PRKG2: variants seen among roughly 807,000 people sequenced by gnomAD.
PRKG2 encodes protein kinase cGMP-dependent 2, also known as cGMP-dependent protein kinase 2.
PRKG2 carries 33 observed loss-of-function variants against 97.2 expected under a neutral mutation model. The ratio of observed to expected loss-of-function variants is 0.34; its 90% CI spans 0.26 to 0.45. The LOEUF is 0.45. PRKG2 is among the 20% of genes least tolerant of loss of function. The probability of loss-of-function intolerance (pLI) is 1.00; values close to 1 mark genes in which losing one functional copy is unlikely to be tolerated. For synonymous variants in PRKG2, 330 were observed against 321.8 expected (o/e 1.03, Z -0.27); for missense variants, 638 against 900.0 (o/e 0.71, Z 3.73).
rs956164469 is a variant in PRKG2, at chr4:81,152,695, C to T, written c.991-641G>A. Reference sequence around the variant, plus strand: ...TGCTGATTCAGGCTGAATAGAAATTCTGTTTGGCATTTATGTATGTCACAA... The same window carrying T: ...TGCTGATTCAGGCTGAATAGAAATTTTGTTTGGCATTTATGTATGTCACAA... On this transcript the variant is annotated intron_variant, in intron 7 of 18. Coordinates refer to ENST00000264399, the MANE Select transcript of PRKG2 (RefSeq NM_006259.3). 7.9e-5 allele frequency among the ~76,000 whole-genome samples: 12 copies of T among 152,202 alleles called. No individual in the cohort carries two copies. The East Asian group carries it at 2.1e-3, about 27-fold the overall frequency.
At chr4:81,189,696 G>A (rs961250671) in intron 2 of PRKG2, among the ~76,000 whole-genome samples, 8 of 151,528 alleles carry the variant, frequency 5.3e-5, no homozygotes, top group African/African-American at 2.0e-4. Flanking sequence ...CACCAGCCTG[G>A]CACATGTATA....
At chr4:81,176,948 T>C (rs1750980138) in intron 2 of PRKG2, among the ~76,000 whole-genome samples, 1 of 152,174 alleles carries the variant, frequency 6.6e-6, no homozygotes, top group Non-Finnish European at 1.5e-5. Flanking sequence ...ATGGCTCCAA[T>C]CTATCCATCT....
At chr4:81,187,815 C>G (rs1001502402) in intron 2 of PRKG2, among the ~76,000 whole-genome samples, 1 of 152,046 alleles carries the variant, frequency 6.6e-6, no homozygotes, top group Admixed American at 6.6e-5. Flanking sequence ...TTCCTATACA[C>G]CAATAACAGA....
Position 81,184,222 on chromosome 4 carries a change from C to T in PRKG2, c.462-9263G>A, listed in dbSNP as rs142758698. Among the ~76,000 whole-genome samples the T allele has an allele frequency of 3.3e-3, 497 of 152,234 alleles. 4 individuals carry two copies. Among genetic ancestry groups the T allele is most frequent in the African/African-American group, 0.011 (439 of 41,526 alleles). On this transcript the variant is annotated intron_variant, in intron 2 of 18. Coordinates refer to ENST00000264399, the MANE Select transcript of PRKG2 (RefSeq NM_006259.3). ...CTGGGAGACACCTCCCAGCAGGGGT[C>T]GACAGACACCTCATACAGGAGAGCT...
At chr4:81,153,124 T>C (rs1200058240) in intron 7 of PRKG2, among the ~76,000 whole-genome samples, 1 of 152,230 alleles carries the variant, frequency 6.6e-6, no homozygotes, top group Non-Finnish European at 1.5e-5. Flanking sequence ...AAAGACTTAT[T>C]GTACATGTTA....
At chr4:81,203,053 G>C (rs1215451091) in intron 2 of PRKG2, among the ~76,000 whole-genome samples, 1 of 151,476 alleles carries the variant, frequency 6.6e-6, no homozygotes, top group African/African-American at 2.4e-5. Context: ...GTAATGTAAT[G>C]CACATTCTGT....
chr4:81,209,563 GAGAT>G (rs1753861983), intron 1 of PRKG2, among the ~76,000 whole-genome samples: 2 of 152,072 alleles, frequency 1.3e-5, no homozygotes, highest in African/African-American at 4.8e-5. Flanking sequence ...GAAACATAGA[GAGAT>G]AGACAAAACA....
chr4:81,167,758 G>A (rs1263118730), intron 5 of PRKG2, among the ~76,000 whole-genome samples: 4 of 151,962 alleles, frequency 2.6e-5, no homozygotes, highest in African/African-American at 9.7e-5. Flanking sequence ...ATAGCCAGAG[G>A]CATGGATGAA....
At chr4:81,189,512 C>CA (rs1258496912) in intron 2 of PRKG2, among the ~76,000 whole-genome samples, 6 of 146,466 alleles carry the variant, frequency 4.1e-5, no homozygotes, top group Admixed American at 2.0e-4. Flanking sequence ...ATCGCAAGAA[C>CA]AAAAAACCAA....
At position 81,206,774 on chromosome 4, in the gene PRKG2, C is replaced by G. The variant is rs185144084; in HGVS notation, c.-13-1714G>C. ...ACTAGTTCTACCAGAATAACTGTGA[C>G]CTCTACAACAACAAAGGCACAGATG... On this transcript the variant is annotated intron_variant, in intron 1 of 18. Coordinates refer to ENST00000264399, the MANE Select transcript of PRKG2 (RefSeq NM_006259.3). Among the ~76,000 whole-genome samples the G allele has an allele frequency of 2.0e-5, 3 of 152,264 alleles. No individual in the cohort carries two copies. In the South Asian group the frequency reaches 6.2e-4, roughly 32 times the overall value.
In PRKG2 at chr4:81,177,424, G is replaced by A. The variant is rs890789784; in HGVS notation, c.462-2465C>T. The stretch of plus-strand genomic sequence containing the variant: ...TTATTTTAAAAATCTGGTAAGTTTC[G>A]GCCAGGCGCGGTGGCTCACGCCTGT... On this transcript the variant is annotated intron_variant, in intron 2 of 18. Transcript: ENST00000264399. Among the ~76,000 whole-genome samples, 35 of 151,976 alleles carry A rather than the reference G, an allele frequency of 2.3e-4. 1 individual carries two copies. The highest frequency in any genetic ancestry group is 1.8e-3 in the Admixed American group (27 of 15,262).
At chr4:81,153,244 T>C (rs1340318686) in intron 7 of PRKG2, among the ~76,000 whole-genome samples, 3 of 152,218 alleles carry the variant, frequency 2.0e-5, no homozygotes, top group Admixed American at 6.5e-5. Context: ...CTGTCTTCAA[T>C]TGCTGAATTC....
intron 2 of PRKG2, among the ~76,000 whole-genome samples, chr4:81,176,758 A>G (rs535179049): frequency 6.0e-4 from 92 of 152,270 alleles, no homozygotes; most frequent in African/African-American, 2.2e-3. Flanking sequence ...TGGAGCTTCA[A>G]TGTCCTCTTT....
intron 2 of PRKG2, among the ~76,000 whole-genome samples, chr4:81,187,869 A>G (rs1476119686): frequency 6.6e-6 from 1 of 152,108 alleles, no homozygotes; most frequent in Non-Finnish European, 1.5e-5. Flanking sequence ...ACAAAAATCA[A>G]TTCAAGATGG....
intron 14 of PRKG2, among the ~76,000 whole-genome samples, chr4:81,124,795 T>C (rs978934939): frequency 6.6e-6 from 1 of 152,164 alleles, no homozygotes; most frequent in East Asian, 1.9e-4. Flanking sequence ...CACAGAAACC[T>C]GAGATCATAA....
chr4:81,127,394 T>A (rs996166508), intron 14 of PRKG2, among the ~76,000 whole-genome samples: 6 of 152,230 alleles, frequency 3.9e-5, no homozygotes, highest in Admixed American at 6.5e-5. Context: ...TTTTTTCTAA[T>A]TCTGTGAAGA....
rs368934277 is a variant in PRKG2 at position 81,139,168 on chromosome 4, T to G, written c.1544+1365A>C. Among the ~76,000 whole-genome samples the G allele has an allele frequency of 1.7e-3, 252 of 152,290 alleles. 1 individual carries two copies. The South Asian group carries it at 0.02, about 12-fold the overall frequency. On this transcript the variant is annotated intron_variant, in intron 12 of 18. Transcript: ENST00000264399. Reference sequence around the variant, plus strand: ...TTCTTCTGCAAACTCTTGTGACAGCTACAGAAAGAATAACTATTAGAAGAT... The same window carrying G: ...TTCTTCTGCAAACTCTTGTGACAGCGACAGAAAGAATAACTATTAGAAGAT...
chr4:81,169,584 T>C (rs1471205642), intron 5 of PRKG2, 79 bp downstream of exon 5: 1 of 1,051,010 alleles, frequency 9.5e-7, no homozygotes, highest in African/African-American at 1.6e-5. Context: ...TATAGTTGAA[T>C]AATTATTCTG....
At chr4:81,128,475 T>C (rs1351439943) in intron 14 of PRKG2, among the ~76,000 whole-genome samples, 2 of 152,224 alleles carry the variant, frequency 1.3e-5, no homozygotes, top group Admixed American at 6.5e-5. Flanking sequence ...CTTTTTTTTG[T>C]TGGTAGGCTA....
Sources: gnomAD v4.1 joint callset for allele counts (sites outside exome capture counted in the v4.1 genomes callset) on GRCh38, gnomAD v4.1.1 for gene constraint, MANE v1.5 for transcripts, NCBI Gene and HGNC (gene_info 2026-07-23, HGNC 2026-07-21) for gene names.